Variants in ZKSCAN2 observed in about 807,000 individuals in gnomAD.
The protein encoded by ZKSCAN2 is zinc finger with KRAB and SCAN domains 2, also known as zinc finger protein with KRAB and SCAN domains 2.
ZKSCAN2 carries 38 observed loss-of-function variants against 90.5 expected under a neutral mutation model. That is an observed-to-expected ratio of 0.42 (90% confidence interval 0.32 to 0.55). ZKSCAN2 has a LOEUF of 0.55. Ranked by LOEUF, ZKSCAN2 falls within the 20% of genes least tolerant of loss-of-function variation. ZKSCAN2 has a pLI of 0.11. For synonymous variants in ZKSCAN2, 429 were observed against 421.6 expected, an observed-to-expected ratio of 1.02 and a Z score of -0.22; for missense variants, 1,167 against 1,202.6, an observed-to-expected ratio of 0.97 and a Z score of 0.44.
intron 4 of ZKSCAN2, among the ~76,000 whole-genome samples, chr16:25,248,429 C>T (rs1962971072): frequency 6.6e-6 from 1 of 151,886 alleles, no homozygotes; most frequent in African/African-American, 2.4e-5. Context: ...ACAAGGAACT[C>T]CTACAATTCA....
In ZKSCAN2 at chr16:25,243,984, G is replaced by A. The variant is rs1247402784; in HGVS notation, c.1782C>T (p.Thr594=). The part of the protein sequence containing the change: ...NSRASAPSPS[T]PEEVPSPSRQ... Reference sequence around the variant, plus strand: ...TTGAAGGTGATGGGACTTCCTCTGGGGTGCTGGGGGAAGGAGCAGATGCCC... The same window carrying A: ...TTGAAGGTGATGGGACTTCCTCTGGAGTGCTGGGGGAAGGAGCAGATGCCC... Residue 594 remains threonine, a synonymous_variant, in exon 6 of 7, where the codon ACC becomes ACT. Coordinates refer to ENST00000328086, the MANE Select transcript of ZKSCAN2 (RefSeq NM_001012981.5). The A allele has an allele frequency of 6.2e-7, 1 of 1,614,036 alleles. No homozygotes were observed. Among genetic ancestry groups the A allele is most frequent in the African/African-American group, 1.3e-5 (1 of 74,916 alleles).
intron 1 of ZKSCAN2, among the ~76,000 whole-genome samples, chr16:25,256,170 T>C (rs1963098918): frequency 6.6e-6 from 1 of 152,042 alleles, no homozygotes; most frequent in Admixed American, 6.6e-5. Flanking sequence ...ACGAGGTTCA[T>C]GAAAGTGAGG....
chr16:25,246,564 C>T, intron 5 of ZKSCAN2, 143 bp downstream of exon 5: 2 of 816,814 alleles, frequency 2.4e-6, no homozygotes, highest in Non-Finnish European at 4.0e-6. Context: ...CCTGAGAGTA[C>T]TTCAGTGATG....
chr16:25,243,928 G>T lies in ZKSCAN2; in HGVS notation c.1838C>A (p.Pro613His), dbSNP rs369024502. The change falls in exon 6 of 7, where the codon CCC (proline) becomes CAC (histidine). Residue 613 changes from proline (P) to histidine (H), a missense_variant. By Grantham distance (77) the Pro-to-His change is moderately conservative. Coordinates refer to ENST00000328086, the MANE Select transcript of ZKSCAN2 (RefSeq NM_001012981.5). Reference protein sequence around the residue: ...RQERGGIEVEPQEPTGWEPEE... With the variant: ...RQERGGIEVEHQEPTGWEPEE... ...AGGTTCCCAGCCTGTAGGTTCCTGGGGTTCAACCTCAATACCCCCTCTTTC... is the reference window on the plus strand; with the variant it reads ...AGGTTCCCAGCCTGTAGGTTCCTGGTGTTCAACCTCAATACCCCCTCTTTC... 4 of 1,614,092 alleles carry T rather than the reference G, an allele frequency of 2.5e-6. No homozygotes were observed. The South Asian group carries it at 4.4e-5, about 18-fold the overall frequency.
At chr16:25,250,357 T>C (rs147100203) in intron 4 of ZKSCAN2, among the ~76,000 whole-genome samples, 53 of 151,418 alleles carry the variant, frequency 3.5e-4, no homozygotes, top group African/African-American at 1.2e-3. Flanking sequence ...TTGGAGGGCA[T>C]TGTGCTAAGT....
At chr16:25,255,551 C>T (rs928961260) in intron 1 of ZKSCAN2, among the ~76,000 whole-genome samples, 159 bp from the exon 2 acceptor site, 3 of 152,234 alleles carry the variant, frequency 2.0e-5, no homozygotes, top group African/African-American at 7.2e-5. Flanking sequence ...GCTGAGAGTA[C>T]TGTCCAGCAG....
intron 2 of ZKSCAN2, among the ~76,000 whole-genome samples, chr16:25,254,729 T>C (rs1358928908): frequency 1.3e-5 from 2 of 151,910 alleles, no homozygotes; most frequent in Non-Finnish European, 1.5e-5. Context: ...TGTCCAGCCA[T>C]GGAGAGTTTA....
At chr16:25,245,438 C>T (rs568874516) in intron 5 of ZKSCAN2, among the ~76,000 whole-genome samples, 1 of 152,280 alleles carries the variant, frequency 6.6e-6, no homozygotes, top group South Asian at 2.1e-4. Flanking sequence ...GTCATGGATA[C>T]ATTCCCTAGC....
chr16:25,254,942 C>T (rs12921284), intron 2 of ZKSCAN2, among the ~76,000 whole-genome samples: 89,352 of 151,234 alleles, frequency 0.59, 27,886 homozygotes, highest in African/African-American at 0.8. Flanking sequence ...CACAGGTGCA[C>T]GCCAACACAC....
At chr16:25,250,322 G>A (rs550668382) in intron 4 of ZKSCAN2, among the ~76,000 whole-genome samples, 49 of 152,144 alleles carry the variant, frequency 3.2e-4, no homozygotes, top group African/African-American at 1.1e-3. Context: ...AAAAAAGAAG[G>A]AAATCCTGCC....
chr16:25,243,925 T>C lies in ZKSCAN2; in HGVS notation c.1841A>G (p.Gln614Arg), dbSNP rs764919978. The C allele has an allele frequency of 8.7e-6, 14 of 1,614,186 alleles. No individual in the cohort carries two copies. In the South Asian group the frequency reaches 8.8e-5, roughly 10 times the overall value. ...QERGGIEVEP[Q>R]EPTGWEPEET... ...TTCAGGTTCCCAGCCTGTAGGTTCC[T>C]GGGGTTCAACCTCAATACCCCCTCT... The change falls in exon 6 of 7, where the codon CAG (glutamine) becomes CGG (arginine). Residue 614 changes from glutamine (Q) to arginine (R), a missense_variant. Transcript: ENST00000328086.
chr16:25,257,427 G>A lies in ZKSCAN2; in HGVS notation c.-300C>T, dbSNP rs377161393. 18 of 1,101,388 alleles carry A rather than the reference G, an allele frequency of 1.6e-5. 1 individual carries two copies. Among genetic ancestry groups the A allele is most frequent in the East Asian group, 1.1e-4 (2 of 17,844 alleles). 68.2% of individuals were successfully genotyped at this position (1,101,388 alleles called of 1,614,324 possible). A position where few individuals can be genotyped will look rare whatever the true frequency, so the allele number is the denominator to read the frequency against. On this transcript the variant is annotated 5_prime_UTR_variant, in exon 1 of 7. Coordinates refer to ENST00000328086, the MANE Select transcript of ZKSCAN2 (RefSeq NM_001012981.5). ...AAAGTCGGAAACCGGGAGGCTGGAC[G>A]ACTGGGAGAAAAATGAAGCAGGCTG...
At chr16:25,254,693 T>C (rs993327024) in intron 2 of ZKSCAN2, among the ~76,000 whole-genome samples, 3 of 152,070 alleles carry the variant, frequency 2.0e-5, no homozygotes, top group African/African-American at 7.2e-5. Context: ...CCTCCCAAAG[T>C]GTTGGGATTA....
chr16:25,254,794 C>CTTT (rs1179877943), intron 2 of ZKSCAN2, among the ~76,000 whole-genome samples: 1 of 132,590 alleles, frequency 7.5e-6, no homozygotes. Context: ...CAGTTTGGAT[C>CTTT]TTTTTTTTTT....
At chr16:25,254,573 T>C (rs986480210) in intron 2 of ZKSCAN2, among the ~76,000 whole-genome samples, 1 of 152,174 alleles carries the variant, frequency 6.6e-6, no homozygotes, top group African/African-American at 2.4e-5. Context: ...CACATGATGA[T>C]TGTAGAATGT....
intron 2 of ZKSCAN2, among the ~76,000 whole-genome samples, chr16:25,253,955 C>G (rs1287748594): frequency 6.6e-6 from 1 of 152,240 alleles, no homozygotes; most frequent in Non-Finnish European, 1.5e-5. Context: ...TTGCTGTGAG[C>G]TGAGATCGTG....
At position 25,240,750 on chromosome 16, in the gene ZKSCAN2, AAAGAC is replaced by A; in HGVS notation, c.1982-17_1982-13del. On this transcript the variant is annotated splice_polypyrimidine_tract_variant and intron_variant, in intron 6 of 6. Transcript: ENST00000328086. ...TCCGATTTCAAAATCTGAAAAAATG[AAAGAC>A]AATACAAATTTTATACAAGTCTGAT... The A allele has an allele frequency of 6.2e-7, 1 of 1,600,774 alleles. No homozygotes were observed. Among genetic ancestry groups the A allele is most frequent in the Non-Finnish European group, 8.5e-7 (1 of 1,171,762 alleles).
chr16:25,248,282 CAAAAAAAA>C (rs55673563), intron 4 of ZKSCAN2, among the ~76,000 whole-genome samples: 12 of 23,226 alleles, frequency 5.2e-4, no homozygotes, highest in African/African-American at 1.6e-3. Context: ...TTCTATACAG[CAAAAAAAA>C]AAAAAAAAAA....
At chr16:25,254,138 A>G (rs1240024712) in intron 2 of ZKSCAN2, among the ~76,000 whole-genome samples, 1 of 152,268 alleles carries the variant, frequency 6.6e-6, no homozygotes, top group African/African-American at 2.4e-5. Context: ...CTGTCTCTAA[A>G]GCCTAAGCTC....
Sources: allele counts gnomAD v4.1 joint callset (sites outside exome capture counted in the v4.1 genomes callset), GRCh38; gene constraint gnomAD v4.1.1; transcripts MANE v1.5; gene names NCBI Gene and HGNC (gene_info 2026-07-23, HGNC 2026-07-21).